KCNT1: variants seen among roughly 807,000 people sequenced by gnomAD.
KCNT1 encodes potassium channel subfamily T member 1.
KCNT1 carries 78 observed loss-of-function variants against 147.8 expected under a neutral mutation model. That is an observed-to-expected ratio of 0.53 (90% CI 0.44 to 0.64). The LOEUF is 0.64. Among genes scored for constraint, KCNT1 ranks in the 30% least tolerant of loss-of-function variants. The probability of loss-of-function intolerance (pLI) is 0.00; values close to 1 mark genes in which losing one functional copy is unlikely to be tolerated. For synonymous variants in KCNT1, 867 were observed against 748.8 expected, an observed-to-expected ratio of 1.16 and a Z score of -2.58; for missense variants, 1,419 against 1,750.3, an observed-to-expected ratio of 0.81 and a Z score of 3.38.
chr9:135,760,642 G>A (rs534312816), intron 11 of KCNT1, among the ~76,000 whole-genome samples: 8 of 152,316 alleles, frequency 5.3e-5, no homozygotes, highest in Admixed American at 1.3e-4. Context: ...GCTCCCTCCC[G>A]CTAAACAGCA....
intron 12 of KCNT1, 73 bp from the exon 13 acceptor site, chr9:135,765,551 A>G: frequency 1.3e-6 from 2 of 1,498,450 alleles, no homozygotes; most frequent in Non-Finnish European, 1.8e-6. Context: ...GCACAAACAC[A>G]GTCCTGAAGG....
intron 27 of KCNT1, 40 bp downstream of exon 27, chr9:135,784,929 T>C (rs1349315579): frequency 6.3e-6 from 10 of 1,599,060 alleles, no homozygotes; most frequent in Non-Finnish European, 8.5e-6. Context: ...TGGCAGCCCC[T>C]GTCCTGTGTG....
chr9:135,774,636 TTG>T (rs1032763722), intron 19 of KCNT1, among the ~76,000 whole-genome samples: 2 of 151,730 alleles, frequency 1.3e-5, no homozygotes, highest in Admixed American at 6.6e-5. Context: ...GATGTGTGTG[TTG>T]TGTGTCTGGG....
At chr9:135,769,500 T>C (rs1006066913) in intron 15 of KCNT1, among the ~76,000 whole-genome samples, 1 of 152,018 alleles carries the variant, frequency 6.6e-6, no homozygotes, top group East Asian at 1.9e-4. Flanking sequence ...TCAGATGAAG[T>C]CTTATGCTGG....
rs78844719 is a variant in KCNT1 at position 135,761,482 on chromosome 9, C to T, written c.1035+1623C>T. 4.5e-3 allele frequency among the ~76,000 whole-genome samples: 681 copies of T among 152,358 alleles called. 3 individuals carry two copies. The highest frequency in any genetic ancestry group is 0.015 in the African/African-American group (638 of 41,590). ...CGTGCAGTGACACTGCCTCCCTCCT[C>T]GGCCCTCCTGCCCCAATCCGTAAAT... On this transcript the variant is annotated intron_variant, in intron 11 of 30. Transcript: ENST00000371757.
At chr9:135,732,038 A>AGAGAGAGAGAGAGG (rs1836504050) in intron 2 of KCNT1, among the ~76,000 whole-genome samples, 1 of 137,658 alleles carries the variant, frequency 7.3e-6, no homozygotes, top group Non-Finnish European at 1.6e-5. Flanking sequence ...AGAGAGAGAG[A>AGAGAGAGAGAGAGG]GAGGGAGTCT....
chr9:135,741,332 G>C (rs1164082161), intron 2 of KCNT1, among the ~76,000 whole-genome samples: 1 of 152,082 alleles, frequency 6.6e-6, no homozygotes, highest in East Asian at 1.9e-4. Context: ...CCCAGCCAGG[G>C]CCTGGCCACG....
chr9:135,722,310 G>A (rs181183209), intron 2 of KCNT1, among the ~76,000 whole-genome samples: 14 of 152,330 alleles, frequency 9.2e-5, no homozygotes, highest in Admixed American at 8.5e-4. Flanking sequence ...CCGGCACAGC[G>A]GGGCACACGG....
intron 4 of KCNT1, among the ~76,000 whole-genome samples, chr9:135,753,522 A>G (rs977172097): frequency 5.9e-5 from 9 of 152,164 alleles, no homozygotes; most frequent in African/African-American, 2.2e-4. Context: ...GCCTTGTTCA[A>G]GGCAGCTCTG....
At chr9:135,711,051 G>T (rs1439467902) in intron 1 of KCNT1, among the ~76,000 whole-genome samples, 2 of 152,206 alleles carry the variant, frequency 1.3e-5, no homozygotes, top group African/African-American at 2.4e-5. Flanking sequence ...ATTTGCTCTA[G>T]TAGGTTTTCA....
chr9:135,742,978 T>C (rs1343428941), intron 2 of KCNT1, among the ~76,000 whole-genome samples: 1 of 152,106 alleles, frequency 6.6e-6, no homozygotes, highest in Admixed American at 6.5e-5. Flanking sequence ...TCCCAGGTGC[T>C]GGGGCTGGAG....
intron 18 of KCNT1, 159 bp downstream of exon 18, chr9:135,771,254 AG>A (rs1442108221): frequency 3.0e-6 from 2 of 672,858 alleles, no homozygotes; most frequent in Non-Finnish European, 5.0e-6. Context: ...GCAGGTGACC[AG>A]GTGGGACGGG....
intron 29 of KCNT1, chr9:135,788,311 G>C: frequency 1.4e-6 from 1 of 700,076 alleles, no homozygotes; most frequent in Non-Finnish European, 2.6e-6. Context: ...GCCCTGTTGG[G>C]CAAGGCCTCG....
At chr9:135,725,300 T>C (rs1836089378) in intron 2 of KCNT1, among the ~76,000 whole-genome samples, 1 of 152,192 alleles carries the variant, frequency 6.6e-6, no homozygotes, top group African/African-American at 2.4e-5. Context: ...ATGTGGCTTA[T>C]GTAGAAACAC....
chr9:135,791,857 C>T lies in KCNT1; in HGVS notation c.3563C>T (p.Thr1188Met), dbSNP rs370090905. 27 of 1,613,818 alleles carry T rather than the reference C, an allele frequency of 1.7e-5. No homozygotes were observed. Among genetic ancestry groups the T allele is most frequent in the South Asian group, 8.8e-5 (8 of 91,056 alleles). ...GTCCTCATCAACCCTCCGCCCGACA[C>T]GAGGCTGGAGCCCAGTGACATTGTG... The part of the protein sequence containing the change: ...SYVLINPPPD[T>M]RLEPSDIVYL... Residue 1188 changes from threonine (T) to methionine (M), a missense_variant, in exon 30 of 31, where the codon ACG (threonine) becomes ATG (methionine). This residue lies in a region of KCNT1 where 306 missense variants were observed against 294.2 expected (regional missense o/e 1.04). Coordinates refer to ENST00000371757, the MANE Select transcript of KCNT1 (RefSeq NM_020822.3).
intron 15 of KCNT1, 38 bp downstream of exon 15, chr9:135,768,975 G>A (rs373805147): frequency 2.6e-6 from 4 of 1,512,174 alleles, no homozygotes; most frequent in Admixed American, 1.8e-5. Flanking sequence ...GTGTATCTGG[G>A]GCAGGGCACG....
intron 2 of KCNT1, among the ~76,000 whole-genome samples, chr9:135,727,452 CTCTT>C (rs1836264805): frequency 6.7e-6 from 1 of 148,242 alleles, no homozygotes; most frequent in Non-Finnish European, 1.5e-5. Context: ...CTCTCTCTCT[CTCTT>C]TCTCTCTCTC....
chr9:135,768,760 G>C, intron 14 of KCNT1, 69 bp from the exon 15 acceptor site: 3 of 1,547,568 alleles, frequency 1.9e-6, no homozygotes, highest in Non-Finnish European at 2.6e-6. Flanking sequence ...CCTGCCCCAG[G>C]CTGCCGGTGC....
chr9:135,784,893 C>G lies in KCNT1; in HGVS notation c.3156+4C>G. On this transcript the variant is annotated splice_donor_region_variant and intron_variant, in intron 27 of 30. Transcript: ENST00000371757. ...CCACGTCTTCTCCACCTCGGAGGTT[C>G]TGGGGCAGCCTGGGGGCTGGGACTG... The G allele has an allele frequency of 6.2e-7, 1 of 1,611,486 alleles. No individual in the cohort carries two copies. Among genetic ancestry groups the G allele is most frequent in the Non-Finnish European group, 8.5e-7 (1 of 1,179,786 alleles).
Sources: allele counts gnomAD v4.1 joint callset (sites outside exome capture counted in the v4.1 genomes callset), GRCh38; gene constraint gnomAD v4.1.1; regional missense constraint gnomAD v4.1.1; transcripts MANE v1.5; gene names NCBI Gene and HGNC (gene_info 2026-07-23, HGNC 2026-07-21).